Variants in SPIRE1 observed in about 807,000 individuals in gnomAD.
The protein encoded by SPIRE1 is protein spire homolog 1.
SPIRE1 carries 40 observed loss-of-function variants against 94.1 expected under a neutral mutation model. That is an observed-to-expected ratio of 0.43 (90% CI 0.33 to 0.55). The LOEUF (loss-of-function observed/expected upper bound fraction) is 0.55, where lower values mean the gene tolerates loss of function less well. Among genes scored for constraint, SPIRE1 ranks in the 20% least tolerant of loss-of-function variants. The pLI is 0.06. For synonymous variants in SPIRE1, 376 were observed against 371.7 expected (o/e 1.01, Z -0.13); for missense variants, 838 against 975.2 (o/e 0.86, Z 1.87).
At chr18:12,565,477 C>T (rs1038864209) in intron 2 of SPIRE1, among the ~76,000 whole-genome samples, 6 of 152,094 alleles carry the variant, frequency 3.9e-5, no homozygotes, top group East Asian at 3.9e-4. Flanking sequence ...TGGGTTCAAA[C>T]GATTCTTCTG....
chr18:12,583,936 AAAAC>A (rs2036324566), intron 2 of SPIRE1, among the ~76,000 whole-genome samples: 1 of 151,786 alleles, frequency 6.6e-6, no homozygotes, highest in Non-Finnish European at 1.5e-5. Context: ...CAAAAAAACA[AAAAC>A]AAACAAAAAA....
intron 15 of SPIRE1, 37 bp downstream of exon 15, chr18:12,452,448 A>G (rs1269095106): frequency 6.2e-7 from 1 of 1,614,122 alleles, no homozygotes; most frequent in Non-Finnish European, 8.5e-7. Context: ...CAGTCACTAA[A>G]AGGAACACAA....
chr18:12,499,015 T>C (rs1446184033), intron 6 of SPIRE1, among the ~76,000 whole-genome samples: 3 of 152,208 alleles, frequency 2.0e-5, no homozygotes, highest in African/African-American at 7.2e-5. Flanking sequence ...CTTCCTGCCT[T>C]GGCCTCCCAC....
intron 2 of SPIRE1, among the ~76,000 whole-genome samples, chr18:12,576,581 CAAAAAAAAA>C (rs762895518): frequency 4.8e-4 from 15 of 31,030 alleles, no homozygotes; most frequent in East Asian, 4.6e-3. Context: ...GACTCCATCT[CAAAAAAAAA>C]AAAAAAAAAA....
chr18:12,619,842 C>T (rs9945374), intron 2 of SPIRE1, among the ~76,000 whole-genome samples: 52,194 of 137,758 alleles, frequency 0.38, 10,644 homozygotes, highest in East Asian at 0.58. Context: ...CGAGACTCTG[C>T]CTCAGGAAAA....
intron 12 of SPIRE1, among the ~76,000 whole-genome samples, chr18:12,460,957 C>CTCTGCTCCCTGCCCTCAA (rs1289363572): frequency 6.6e-6 from 1 of 152,160 alleles, no homozygotes; most frequent in Non-Finnish European, 1.5e-5. Flanking sequence ...CCTGCGTGGA[C>CTCTGCTCCCTGCCCTCAA]TCTGCTCCCT....
At chr18:12,526,371 T>A (rs2034524406) in intron 4 of SPIRE1, among the ~76,000 whole-genome samples, 1 of 152,202 alleles carries the variant, frequency 6.6e-6, no homozygotes, top group Non-Finnish European at 1.5e-5. Flanking sequence ...TCGAAGTTAC[T>A]TCTGGGAAGC....
intron 2 of SPIRE1, among the ~76,000 whole-genome samples, chr18:12,619,628 A>G (rs899886029): frequency 6.6e-6 from 1 of 152,100 alleles, no homozygotes; most frequent in East Asian, 1.9e-4. Flanking sequence ...GTGGGTGATC[A>G]GGAGGTCAGG....
intron 2 of SPIRE1, among the ~76,000 whole-genome samples, chr18:12,555,294 C>A (rs1448133334): frequency 2.2e-5 from 3 of 136,004 alleles, no homozygotes; most frequent in Non-Finnish European, 3.1e-5. Flanking sequence ...CAGAACCAGA[C>A]AAAGACTTAT....
rs113665821 is a variant in SPIRE1, at chr18:12,605,256, C to T, written c.372+29806G>A. On this transcript the variant is annotated intron_variant, in intron 2 of 16. Coordinates refer to ENST00000409402, the MANE Select transcript of SPIRE1 (RefSeq NM_001128626.2). Reference sequence around the variant, plus strand: ...ATAAAAGGCTGGGCATGGTGGCTCACGCCTGTAATCCCAGCACTTTGGGAG... The same window carrying T: ...ATAAAAGGCTGGGCATGGTGGCTCATGCCTGTAATCCCAGCACTTTGGGAG... Among the ~76,000 whole-genome samples, 373 of 152,144 alleles carry T rather than the reference C, an allele frequency of 2.5e-3. 3 individuals carry two copies. The highest frequency in any genetic ancestry group is 0.014 in the South Asian group (67 of 4,798).
chr18:12,472,550 G>C (rs1475302834), intron 10 of SPIRE1, among the ~76,000 whole-genome samples: 1 of 151,870 alleles, frequency 6.6e-6, no homozygotes. Flanking sequence ...TGTATTTTTA[G>C]TAAAAGTGGG....
chr18:12,469,895 A>C lies in SPIRE1; in HGVS notation c.1405-4937T>G, dbSNP rs998481710. 1.5e-4 allele frequency among the ~76,000 whole-genome samples: 22 copies of C among 151,672 alleles called. No individual in the cohort carries two copies. The Middle Eastern group carries it at 0.01, about 70-fold the overall frequency. On this transcript the variant is annotated intron_variant, in intron 10 of 16. Transcript: ENST00000409402. ...TTTAAAAAGCATATACTCAAGATTTAAAAATAACATAAGAAAACCACATAA... is the reference window on the plus strand; with the variant it reads ...TTTAAAAAGCATATACTCAAGATTTCAAAATAACATAAGAAAACCACATAA...
chr18:12,461,890 C>T (rs538000477), intron 12 of SPIRE1, among the ~76,000 whole-genome samples: 59 of 152,334 alleles, frequency 3.9e-4, no homozygotes, highest in Non-Finnish European at 6.9e-4. Context: ...CCTTTGGCCT[C>T]CCAAAGTGCT....
At chr18:12,541,471 T>G (rs1202846355) in intron 3 of SPIRE1, among the ~76,000 whole-genome samples, 1 of 152,242 alleles carries the variant, frequency 6.6e-6, no homozygotes, top group Non-Finnish European at 1.5e-5. Flanking sequence ...TTGAATGTTG[T>G]TCAATGCTAC....
At chr18:12,563,378 T>C (rs916935538) in intron 2 of SPIRE1, among the ~76,000 whole-genome samples, 1 of 152,128 alleles carries the variant, frequency 6.6e-6, no homozygotes, top group Non-Finnish European at 1.5e-5. Flanking sequence ...TGGCCCTTCA[T>C]AGGTGTGATC....
chr18:12,539,403 T>C (rs2144229596), intron 3 of SPIRE1, among the ~76,000 whole-genome samples: 1 of 152,310 alleles, frequency 6.6e-6, no homozygotes, highest in South Asian at 2.1e-4. Context: ...GCCATGATTG[T>C]GAGGCCTCCT....
intron 2 of SPIRE1, among the ~76,000 whole-genome samples, chr18:12,607,878 C>T (rs536200249): frequency 3.0e-4 from 45 of 152,196 alleles, no homozygotes; most frequent in South Asian, 1.5e-3. Context: ...CACCTACGGC[C>T]GGGCGTGGTG....
At chr18:12,588,826 C>T (rs2036456026) in intron 2 of SPIRE1, among the ~76,000 whole-genome samples, 2 of 152,130 alleles carry the variant, frequency 1.3e-5, no homozygotes, top group African/African-American at 4.8e-5. Flanking sequence ...TAACACTTTA[C>T]ACTTGCTTCA....
chr18:12,510,929 C>G (rs1415456845), intron 5 of SPIRE1, among the ~76,000 whole-genome samples: 1 of 152,134 alleles, frequency 6.6e-6, no homozygotes, highest in African/African-American at 2.4e-5. Context: ...TATATGACAG[C>G]AGGGATTTTT....
Sources: gnomAD v4.1 joint callset for allele counts (sites outside exome capture counted in the v4.1 genomes callset) on GRCh38, gnomAD v4.1.1 for gene constraint, MANE v1.5 for transcripts, NCBI Gene and HGNC (gene_info 2026-07-23, HGNC 2026-07-21) for gene names.